The following RS1 variants were observed in gnomAD, a reference collection of about 807,000 sequenced individuals.
RS1 encodes the protein retinoschisin 1.
RS1 carries 2 observed loss-of-function variants against 20.8 expected under a neutral mutation model. The ratio of observed to expected loss-of-function variants is 0.10; its 90% CI spans 0.04 to 0.30. The LOEUF (loss-of-function observed/expected upper bound fraction) is 0.30. Among genes scored for constraint, RS1 ranks in the 10% least tolerant of loss-of-function variants. The pLI, the probability that RS1 is intolerant of heterozygous loss-of-function variation, is 1.00. For missense variants in RS1, 151 were observed against 189.8 expected (o/e 0.80, Z 1.20); for synonymous variants, 70 against 75.8 (o/e 0.92, Z 0.40).
At chrX:18,653,804 C>T (rs747464211) in intron 3 of RS1, among the ~76,000 whole-genome samples, 1 of 109,779 alleles carries the variant, frequency 9.1e-6, no homozygotes, top group Non-Finnish European at 1.9e-5. Flanking sequence ...CCCGTCTCTA[C>T]TAAAATACAA....
chrX:18,670,367 A>G (rs956035924), intron 1 of RS1, among the ~76,000 whole-genome samples: 2 of 109,275 alleles, frequency 1.8e-5, no homozygotes, highest in African/African-American at 6.7e-5. Context: ...AGCTGGGATT[A>G]GAGGCACCTG....
At chrX:18,658,042 C>T (rs1428674327) in intron 1 of RS1, among the ~76,000 whole-genome samples, 3 of 110,838 alleles carry the variant, frequency 2.7e-5, no homozygotes, top group African/African-American at 6.6e-5. Flanking sequence ...TGGTGGCACG[C>T]GCCTGTAATC....
chrX:18,653,536 G>A lies in RS1; in HGVS notation c.184+3117C>T, dbSNP rs201765217. The A allele has an allele frequency of 1.9e-5, 23 of 1,210,262 alleles. No homozygotes were observed. The highest frequency in any genetic ancestry group is 2.5e-5 in the Non-Finnish European group (22 of 895,287). On this transcript the variant is annotated intron_variant, in intron 3 of 5. Transcript: ENST00000379984. ...ATACCATGAGAATGCGGCACTGACGGGCAAGTGACTTCTGCAAGCCTGCGG... is the reference window on the plus strand; with the variant it reads ...ATACCATGAGAATGCGGCACTGACGAGCAAGTGACTTCTGCAAGCCTGCGG...
intron 3 of RS1, among the ~76,000 whole-genome samples, chrX:18,652,530 G>C (rs951220992): frequency 3.6e-5 from 4 of 111,351 alleles, no homozygotes; most frequent in Non-Finnish European, 5.7e-5. Flanking sequence ...TTAGCCGAGC[G>C]CAGTGGTTGG....
At chrX:18,649,027 G>A (rs1271016551) in intron 3 of RS1, among the ~76,000 whole-genome samples, 2 of 96,856 alleles carry the variant, frequency 2.1e-5, no homozygotes, top group Non-Finnish European at 4.1e-5. Flanking sequence ...CAGCCTGGGT[G>A]ATAGACACTG....
At chrX:18,657,617 A>G in intron 2 of RS1, 23 bp downstream of exon 2, 1 of 1,170,854 alleles carries the variant, frequency 8.5e-7, no homozygotes, top group Non-Finnish European at 1.2e-6. Context: ...CATGTACATT[A>G]CAGCCTTCTT....
intron 1 of RS1, among the ~76,000 whole-genome samples, chrX:18,661,361 G>C (rs1928305064): frequency 9.0e-6 from 1 of 111,563 alleles, no homozygotes; most frequent in South Asian, 3.8e-4. Context: ...CGGGCAGGCT[G>C]TGGGGCTCCA....
chrX:18,662,694 C>T (rs1928334262), intron 1 of RS1, among the ~76,000 whole-genome samples: 1 of 105,411 alleles, frequency 9.5e-6, no homozygotes, highest in South Asian at 4.4e-4. Context: ...GTGGCGCGAT[C>T]TTGGCTCACT....
At chrX:18,650,583 C>G in intron 3 of RS1, 1 of 1,212,092 alleles carries the variant, frequency 8.3e-7, no homozygotes, top group Non-Finnish European at 1.1e-6. Flanking sequence ...CTGCCCAACC[C>G]AGCAATCCGG....
intron 3 of RS1, among the ~76,000 whole-genome samples, chrX:18,648,009 C>T (rs1372344971): frequency 9.0e-6 from 1 of 111,381 alleles, no homozygotes; most frequent in Non-Finnish European, 1.9e-5. Context: ...GATTGTCTCC[C>T]CCTTCCTCTC....
intron 3 of RS1, chrX:18,650,247 ACT>A (rs759300139): frequency 1.9e-6 from 1 of 514,998 alleles, no homozygotes; most frequent in Non-Finnish European, 3.4e-6. Context: ...TGTGTGGCTC[ACT>A]CTGCGATCTA....
chrX:18,660,075 T>C (rs1928284387), intron 1 of RS1, among the ~76,000 whole-genome samples: 1 of 111,791 alleles, frequency 8.9e-6, no homozygotes, highest in African/African-American at 3.3e-5. Flanking sequence ...CAGGTCTTCC[T>C]GTTTCGTTGG....
chrX:18,647,521 A>G (rs1294500739), intron 3 of RS1, 189 bp from the exon 4 acceptor site: 1 of 462,141 alleles, frequency 2.2e-6, no homozygotes, highest in Non-Finnish European at 3.8e-6. Flanking sequence ...AAAGGAATGA[A>G]GGATGAAGTA....
intron 2 of RS1, 122 bp from the exon 3 acceptor site, chrX:18,656,880 A>G: frequency 3.6e-6 from 2 of 557,875 alleles, no homozygotes; most frequent in Non-Finnish European, 6.3e-6. Flanking sequence ...ACAATGGCCA[A>G]ATTGAGCTAT....
At chrX:18,670,664 A>G (rs1928478914) in intron 1 of RS1, among the ~76,000 whole-genome samples, 1 of 111,707 alleles carries the variant, frequency 9.0e-6, no homozygotes, top group African/African-American at 3.3e-5. Flanking sequence ...GTGTCTGACA[A>G]CCAGGAGTAT....
intron 1 of RS1, among the ~76,000 whole-genome samples, chrX:18,660,213 G>T (rs987257439): frequency 9.1e-6 from 1 of 109,608 alleles, no homozygotes; most frequent in Non-Finnish European, 1.9e-5. Flanking sequence ...GAGGAAAAGT[G>T]CTTACTTTTT....
chrX:18,651,825 T>C (rs955336640), intron 3 of RS1, among the ~76,000 whole-genome samples: 1 of 111,491 alleles, frequency 9.0e-6, no homozygotes, highest in Non-Finnish European at 1.9e-5. Context: ...AGTTCTCTTA[T>C]TGTGATTTTT....
chrX:18,647,746 T>A, intron 3 of RS1: 1 of 174,929 alleles, frequency 5.7e-6, no homozygotes, highest in Non-Finnish European at 1.1e-5. Context: ...TCCTGCCTCA[T>A]GACGTCAGGT....
At position 18,644,635 on chromosome X, in the gene RS1, A is replaced by G. The variant is rs2147191454; in HGVS notation, c.327-10T>C. 8.3e-7 allele frequency: 1 copy of G among 1,208,376 alleles called. No homozygotes were observed. The highest frequency in any genetic ancestry group is 1.1e-6 in the Non-Finnish European group (1 of 892,986). ...GGAGAGCCAGGCACACCTGCCGAGA[A>G]CATACCGAGTCACCGAGAGACTCCC... On this transcript the variant is annotated splice_polypyrimidine_tract_variant and intron_variant, in intron 4 of 5. Transcript: ENST00000379984.
Sources: gnomAD v4.1 joint callset for allele counts (sites outside exome capture counted in the v4.1 genomes callset) on GRCh38, gnomAD v4.1.1 for gene constraint, MANE v1.5 for transcripts, NCBI Gene and HGNC (gene_info 2026-07-23, HGNC 2026-07-21) for gene names.